The following CDH26 variants were observed in gnomAD, a reference collection of about 807,000 sequenced individuals.
CDH26 encodes the protein cadherin 26.
A neutral mutation model predicts 90.3 loss-of-function variants in CDH26; 83 were observed. That is an observed-to-expected ratio of 0.92 (90% CI 0.77 to 1.10). CDH26 has a LOEUF of 1.10. Ranked by LOEUF, CDH26 falls within the 50% of genes least tolerant of loss-of-function variation. The probability of loss-of-function intolerance (pLI) is 0.00; values close to 1 mark genes in which losing one functional copy is unlikely to be tolerated. For missense variants in CDH26, 1,013 were observed against 1,037.6 expected, an observed-to-expected ratio of 0.98 and a Z score of 0.33; for synonymous variants, 397 against 396.3, an observed-to-expected ratio of 1.00 and a Z score of -0.02.
At chr20:60,001,564 C>T (rs753915139) in intron 15 of CDH26, 153 bp downstream of exon 15, 16 of 985,296 alleles carry the variant, frequency 1.6e-5, no homozygotes, top group South Asian at 4.7e-5. Context: ...TTTTTCCACC[C>T]GACTCTATTT....
rs753386061 is a variant in CDH26, at chr20:59,983,083, G to A, written c.541+13G>A. The stretch of plus-strand genomic sequence containing the variant: ...AACCAATCTGCAGGTGTGTGCGGCT[G>A]GGGGGCTGCCGGGCTTCCTTCTGTC... On this transcript the variant is annotated intron_variant, in intron 5 of 17. Transcript: ENST00000348616. 3.1e-6 allele frequency: 5 copies of A among 1,611,650 alleles called. No homozygotes were observed. The highest frequency in any genetic ancestry group is 4.2e-6 in the Non-Finnish European group (5 of 1,178,580).
intron 7 of CDH26, among the ~76,000 whole-genome samples, chr20:60,028,669 G>A (rs195024): frequency 0.019 from 2,950 of 152,254 alleles, 82 homozygotes; most frequent in African/African-American, 0.067. Flanking sequence ...TGAGGATAGC[G>A]TGTCTTAGGC....
intron 13 of CDH26, 149 bp downstream of exon 13, chr20:59,996,910 A>G (rs892545391): frequency 3.4e-5 from 33 of 958,508 alleles, no homozygotes; most frequent in Non-Finnish European, 4.4e-5. Context: ...TCTTGCAAAT[A>G]CTATCTAACT....
chr20:59,995,357 C>T (rs1350087078), intron 11 of CDH26, among the ~76,000 whole-genome samples: 1 of 152,154 alleles, frequency 6.6e-6, no homozygotes, highest in Non-Finnish European at 1.5e-5. Flanking sequence ...GGAGGCCCAC[C>T]AGGTTGCCTG....
intron 16 of CDH26, among the ~76,000 whole-genome samples, chr20:60,004,868 G>A (rs779574661): frequency 6.7e-6 from 1 of 149,926 alleles, no homozygotes; most frequent in Non-Finnish European, 1.5e-5. Flanking sequence ...TTATATATAC[G>A]GCCTGTCATT....
At position 59,995,997 on chromosome 20, in the gene CDH26, G is replaced by A. The variant is rs2061591262; in HGVS notation, c.1831G>A (p.Val611Met). 1 of 1,614,166 alleles carries A rather than the reference G, an allele frequency of 6.2e-7. No homozygotes were observed. The highest frequency in any genetic ancestry group is 8.5e-7 in the Non-Finnish European group (1 of 1,180,038). ...LTCVELADAEVGLHVGALFPV... is the reference protein window; with the variant it reads ...LTCVELADAEMGLHVGALFPV... Reference sequence around the variant, plus strand: ...ATGTGTGGAGCTTGCAGATGCAGAAGTGGGGCTTCATGTGGGGGCCCTGTT... The same window carrying A: ...ATGTGTGGAGCTTGCAGATGCAGAAATGGGGCTTCATGTGGGGGCCCTGTT... The change falls in exon 12 of 18, where the codon GTG becomes ATG. Residue 611 changes from valine to methionine, a missense_variant. By Grantham distance (21) the Val-to-Met change is conservative (BLOSUM62 1). Transcript: ENST00000348616.
chr20:59,983,853 A>G (rs979504533), intron 5 of CDH26, among the ~76,000 whole-genome samples: 8 of 152,078 alleles, frequency 5.3e-5, no homozygotes, highest in African/African-American at 1.9e-4. Flanking sequence ...TAAAGGTGCA[A>G]TTTTACTGTT....
rs2061238412 is a variant in CDH26, at chr20:59,970,170, C to A, written c.215C>A (p.Pro72His). The change falls in exon 3 of 18, where the codon CCC becomes CAC. Residue 72 changes from proline (P) to histidine (H), a missense_variant. By Grantham distance (77) the Pro-to-His change is moderately conservative. Transcript: ENST00000348616. The stretch of plus-strand genomic sequence containing the variant: ...GAGGAGGAAGACCCGGGACCCTTTC[C>A]CAAACTCATTGGTGAGGTAAGGTGC... ...ELEEEDPGPF[P>H]KLIGELFNNM... 6.2e-7 allele frequency: 1 copy of A among 1,613,814 alleles called. No individual in the cohort carries two copies. Among genetic ancestry groups the A allele is most frequent in the Admixed American group, 1.7e-5 (1 of 59,976 alleles).
intron 7 of CDH26, among the ~76,000 whole-genome samples, chr20:60,026,563 G>T (rs982796432): frequency 1.3e-5 from 2 of 152,190 alleles, no homozygotes; most frequent in African/African-American, 4.8e-5. Context: ...CAGGATCTGA[G>T]CATCCCCTCA....
intron 7 of CDH26, among the ~76,000 whole-genome samples, chr20:59,985,639 G>T (rs2061448067): frequency 6.6e-6 from 1 of 152,166 alleles, no homozygotes; most frequent in East Asian, 1.9e-4. Flanking sequence ...ATGAGATTTG[G>T]GCGGGGACAG....
downstream of CDH26, among the ~76,000 whole-genome samples, chr20:60,017,305 T>C (rs1055507684): frequency 5.9e-5 from 9 of 152,222 alleles, no homozygotes; most frequent in African/African-American, 2.2e-4. Context: ...ATTGGTCAAT[T>C]GAGGTTTTCT....
At chr20:59,967,958 TCTTTCTTTCTTTCTTTC>T (rs1207133378) in intron 1 of CDH26, among the ~76,000 whole-genome samples, 2 of 11,346 alleles carry the variant, frequency 1.8e-4, no homozygotes, top group African/African-American at 6.7e-4. Context: ...TTTCTTTCTA[TCTTTCTTTCTTTCTTTC>T]TTTCTTTCTT....
intron 7 of CDH26, among the ~76,000 whole-genome samples, chr20:60,026,423 A>AGAGAGG (rs2061998331): frequency 6.6e-6 from 1 of 150,730 alleles, no homozygotes; most frequent in African/African-American, 2.5e-5. Context: ...AGAGAGAGAG[A>AGAGAGG]GAGGGAGAAG....
intron 7 of CDH26, among the ~76,000 whole-genome samples, chr20:60,031,043 T>TTTTTATGGTTATTTCTTGAC (rs2062036134): frequency 6.6e-6 from 1 of 152,062 alleles, no homozygotes; most frequent in Non-Finnish European, 1.5e-5. Context: ...TATTTCTTGA[T>TTTTTATGGTTATTTCTTGAC]GATATGCTAA....
intron 11 of CDH26, 90 bp downstream of exon 11, chr20:59,994,579 T>C (rs944071092): frequency 2.7e-6 from 4 of 1,499,604 alleles, no homozygotes; most frequent in East Asian, 2.4e-5. Flanking sequence ...TTTATTAGCT[T>C]AAAAAACCGG....
At chr20:59,980,039 G>A (rs1006763964) in intron 4 of CDH26, among the ~76,000 whole-genome samples, 7 of 152,098 alleles carry the variant, frequency 4.6e-5, no homozygotes, top group Admixed American at 4.6e-4. Flanking sequence ...ATTCCCAAAC[G>A]ATTTCTCAGA....
chr20:60,002,428 A>G (rs1371835958), intron 15 of CDH26, among the ~76,000 whole-genome samples: 2 of 151,874 alleles, frequency 1.3e-5, no homozygotes, highest in Non-Finnish European at 2.9e-5. Context: ...TACTGTCACC[A>G]TCTTGAAATT....
chr20:59,995,854 C>A lies in CDH26; in HGVS notation c.1688C>A (p.Thr563Asn). The A allele has an allele frequency of 1.9e-6, 3 of 1,614,206 alleles. No homozygotes were observed. The highest frequency in any genetic ancestry group is 1.1e-5 in the South Asian group (1 of 91,080). ...RNWGQSVELL[T>N]LRSLPRGNYL... Reference sequence around the variant, plus strand: ...GCAGGTCAATCAGTTGAACTTTTAACCTTGAGAAGCCTGCCACGTGGTAAT... The same window carrying A: ...GCAGGTCAATCAGTTGAACTTTTAAACTTGAGAAGCCTGCCACGTGGTAAT... Residue 563 changes from threonine to asparagine, a missense_variant, in exon 12 of 18, where the codon ACC becomes AAC. By Grantham distance (65) the Thr-to-Asn change is moderately conservative (BLOSUM62 0). Coordinates refer to ENST00000348616, the MANE Select transcript of CDH26 (RefSeq NM_177980.4).
chr20:60,030,074 C>T lies in CDH26; in HGVS notation c.948-1157C>T, dbSNP rs2062028800. Among the ~76,000 whole-genome samples the T allele has an allele frequency of 6.6e-6, 1 of 152,192 alleles. No individual in the cohort carries two copies. Among genetic ancestry groups the T allele is most frequent in the African/African-American group, 2.4e-5 (1 of 41,438 alleles). ...GGATCCCTTCTGCCACCTTCCCCCA[C>T]AACCCCTGGTTTTATTGAGGTATAA... is the stretch of plus-strand genomic sequence containing the variant. On this transcript the variant is annotated intron_variant, in intron 7 of 8. Transcript: ENST00000370991. The surrounding 1 kb of genome is among the most constrained non-coding windows in gnomAD (Gnocchi z 4.0).
Sources: gnomAD v4.1 joint callset for allele counts (sites outside exome capture counted in the v4.1 genomes callset) on GRCh38, gnomAD v4.1.1 for gene constraint, Gnocchi (gnomAD v3.1) non-coding constraint, MANE v1.5 for transcripts, NCBI Gene and HGNC (gene_info 2026-07-23, HGNC 2026-07-21) for gene names.